Variants in PLEKHA8 observed in about 807,000 individuals in gnomAD.
PLEKHA8 encodes the protein pleckstrin homology domain-containing family A member 8.
A neutral mutation model predicts 68.2 loss-of-function variants in PLEKHA8; 36 were observed. The observed-to-expected ratio is 0.53, with a 90% CI of 0.40 to 0.70. The LOEUF is 0.70. PLEKHA8 is among the 30% of genes least tolerant of loss of function. The probability of loss-of-function intolerance (pLI) is 0.00; values close to 1 mark genes in which losing one functional copy is unlikely to be tolerated. For missense variants in PLEKHA8, 505 were observed against 615.4 expected (o/e 0.82, Z 1.90); for synonymous variants, 211 against 216.1 (o/e 0.98, Z 0.20).
At chr7:30,093,740 C>G (rs1795502364), downstream of PLEKHA8, among the ~76,000 whole-genome samples, 1 of 152,250 alleles carries the variant, frequency 6.6e-6, no homozygotes, top group Admixed American at 6.5e-5. Flanking sequence ...TGACCCACTT[C>G]TGAGTCTCCT....
chr7:30,073,345 A>G (rs1794385430), intron 12 of PLEKHA8, among the ~76,000 whole-genome samples: 1 of 152,180 alleles, frequency 6.6e-6, no homozygotes, highest in African/African-American at 2.4e-5. Flanking sequence ...AGATTATTTT[A>G]CAAAGGAGGA....
In PLEKHA8 at chr7:30,044,031, GA is replaced by G. The variant is rs1404598706; in HGVS notation, c.41-1053del. 7.3e-4 allele frequency among the ~76,000 whole-genome samples: 106 copies of G among 145,102 alleles called. 2 individuals are homozygous for G. Among genetic ancestry groups the G allele is most frequent in the Middle Eastern group, 6.9e-3 (2 of 288 alleles). ...GGTTTACGCAGAGATAGTCAGGGAT[GA>G]TTTTTTTTTTTTTTTTTTGAGACGG... On this transcript the variant is annotated intron_variant, in intron 1 of 13. Coordinates refer to ENST00000449726, the MANE Select transcript of PLEKHA8 (RefSeq NM_001197026.2).
intron 5 of PLEKHA8, among the ~76,000 whole-genome samples, chr7:30,050,193 C>G (rs1340672808): frequency 1.3e-5 from 2 of 152,230 alleles, no homozygotes; most frequent in Non-Finnish European, 1.5e-5. Context: ...TTAGGTCTGT[C>G]AAAAGATCAT....
chr7:30,127,469 G>T (rs1051985719), intron 13 of PLEKHA8, among the ~76,000 whole-genome samples: 1 of 152,206 alleles, frequency 6.6e-6, no homozygotes, highest in African/African-American at 2.4e-5. Flanking sequence ...CTTTGTAAGT[G>T]ATTAATACTA....
chr7:30,090,223 A>G, exon 13 of PLEKHA8: 3 of 1,543,358 alleles, frequency 1.9e-6, no homozygotes, highest in Non-Finnish European at 2.6e-6. Context: ...GAATGAAGAA[A>G]GAATTCCTCA....
chr7:30,090,968 T>G (rs918296885), downstream of PLEKHA8, among the ~76,000 whole-genome samples: 1 of 152,080 alleles, frequency 6.6e-6, no homozygotes, highest in Non-Finnish European at 1.5e-5. Flanking sequence ...TGAGACCAGC[T>G]TGGGCAACAG....
intron 13 of PLEKHA8, among the ~76,000 whole-genome samples, chr7:30,102,708 A>T (rs974526296): frequency 6.6e-6 from 1 of 152,250 alleles, no homozygotes; most frequent in African/African-American, 2.4e-5. Flanking sequence ...CTTATATGAA[A>T]TATCTAGAAT....
Position 30,060,839 on chromosome 7 carries a change from C to T in PLEKHA8, c.1040-45C>T, listed in dbSNP as rs749550244. ...TACTTTATTATAAAAAATATTGCCACTTAAAAATTGCTTTTTCAGAAATGT... is the reference window on the plus strand; with the variant it reads ...TACTTTATTATAAAAAATATTGCCATTTAAAAATTGCTTTTTCAGAAATGT... On this transcript the variant is annotated intron_variant, in intron 9 of 13. Transcript: ENST00000449726. The T allele has an allele frequency of 6.5e-6, 10 of 1,530,688 alleles. No homozygotes were observed. The Admixed American group carries it at 1.4e-4, about 22-fold the overall frequency. The allele number at this position is 1,530,688 out of a possible 1,614,324, so 94.8% of individuals were successfully genotyped here.
intron 9 of PLEKHA8, among the ~76,000 whole-genome samples, chr7:30,059,592 A>T (rs539088016): frequency 7.1e-6 from 1 of 140,098 alleles, no homozygotes; most frequent in Admixed American, 7.0e-5. Context: ...TTTTTTTAGT[A>T]TTCTGTTTTA....
At chr7:30,036,411 GA>G (rs1218226406) in intron 1 of PLEKHA8, among the ~76,000 whole-genome samples, 1 of 7,888 alleles carries the variant, frequency 1.3e-4, no homozygotes, top group East Asian at 4.3e-3. Context: ...GGATAGAATA[GA>G]TAGATAGATA....
chr7:30,103,993 C>T (rs1754354637), intron 13 of PLEKHA8, among the ~76,000 whole-genome samples: 1 of 152,134 alleles, frequency 6.6e-6, no homozygotes, highest in African/African-American at 2.4e-5. Flanking sequence ...CAGACTCCTA[C>T]AACTCAATAA....
chr7:30,060,887 A>G lies in PLEKHA8; in HGVS notation c.1043A>G (p.Lys348Arg). 6.2e-7 allele frequency: 1 copy of G among 1,612,338 alleles called. No homozygotes were observed. The highest frequency in any genetic ancestry group is 8.5e-7 in the Non-Finnish European group (1 of 1,179,334). ...SCYAVVPVLD[K>R]LGPTVFAPVK... ...TGTTTTTAATCTTTTCTTCTAGACA[A>G]ACTTGGCCCTACAGTGTTTGCTCCT... The change falls in exon 10 of 14, where the codon AAA becomes AGA. Residue 348 changes from lysine to arginine, a missense_variant. Lys to Arg is a conservative substitution (Grantham distance 26, BLOSUM62 2). Transcript: ENST00000449726.
intron 13 of PLEKHA8, among the ~76,000 whole-genome samples, chr7:30,110,900 T>C (rs1466732823): frequency 6.6e-6 from 1 of 151,988 alleles, no homozygotes; most frequent in Non-Finnish European, 1.5e-5. Flanking sequence ...TGTTTTCTTA[T>C]TTTGAGGTTG....
intron 13 of PLEKHA8, among the ~76,000 whole-genome samples, chr7:30,108,501 A>T (rs184504222): frequency 1.4e-4 from 22 of 152,198 alleles, no homozygotes; most frequent in Admixed American, 1.4e-3. Flanking sequence ...ATCTTAATTT[A>T]ATTTTATTTT....
intron 1 of PLEKHA8, 57 bp downstream of exon 1, chr7:30,028,859 C>A: frequency 1.6e-6 from 2 of 1,246,148 alleles, no homozygotes; most frequent in Non-Finnish European, 2.0e-6. Context: ...GTCTGCGCGG[C>A]TGGAGGGCGG....
intron 13 of PLEKHA8, among the ~76,000 whole-genome samples, chr7:30,125,580 G>C (rs1796758865): frequency 1.3e-5 from 2 of 152,136 alleles, no homozygotes; most frequent in Non-Finnish European, 2.9e-5. Flanking sequence ...TCCTGACAAT[G>C]CTTTGCCTGA....
chr7:30,042,522 A>G (rs1306131751), intron 1 of PLEKHA8, among the ~76,000 whole-genome samples: 1 of 152,222 alleles, frequency 6.6e-6, no homozygotes, highest in Non-Finnish European at 1.5e-5. Context: ...AGCCAGCGTC[A>G]TGGGAGTGAA....
intron 13 of PLEKHA8, among the ~76,000 whole-genome samples, chr7:30,106,011 T>C (rs550182750): frequency 8.3e-4 from 127 of 152,294 alleles, no homozygotes; most frequent in African/African-American, 2.8e-3. Flanking sequence ...GTGATATTTT[T>C]CCTAATAATT....
At chr7:30,074,647 T>A (rs1794503199) in intron 13 of PLEKHA8, among the ~76,000 whole-genome samples, 1 of 152,170 alleles carries the variant, frequency 6.6e-6, no homozygotes, top group African/African-American at 2.4e-5. Flanking sequence ...CCCATTGTAT[T>A]CATTCCTTTT....
Sources: allele counts gnomAD v4.1 joint callset (sites outside exome capture counted in the v4.1 genomes callset), GRCh38; gene constraint gnomAD v4.1.1; transcripts MANE v1.5; gene names NCBI Gene and HGNC (gene_info 2026-07-23, HGNC 2026-07-21).